The following AOPEP variants were observed in gnomAD, a reference collection of about 807,000 sequenced individuals.
AOPEP encodes aminopeptidase O (putative).
A neutral mutation model predicts 98.1 loss-of-function variants in AOPEP; 77 were observed. The observed-to-expected ratio is 0.78, with a 90% CI of 0.65 to 0.95. The LOEUF (loss-of-function observed/expected upper bound fraction) is 0.95. Ranked by LOEUF, AOPEP falls within the 40% of genes least tolerant of loss-of-function variation. The pLI, the probability that AOPEP is intolerant of heterozygous loss-of-function variation, is 0.00. For synonymous variants in AOPEP, 346 were observed against 365.3 expected (o/e 0.95, Z 0.60); for missense variants, 1,024 against 1,024.7 (o/e 1.00, Z 0.01).
chr9:94,919,839 A>G (rs370636071), intron 5 of AOPEP, among the ~76,000 whole-genome samples: 1 of 152,164 alleles, frequency 6.6e-6, no homozygotes, highest in Non-Finnish European at 1.5e-5. Flanking sequence ...TTTAGAGGGC[A>G]ATGAGCCTGG....
At chr9:95,106,584 T>C in the AOPEP span, among the ~76,000 whole-genome samples, 5 of 152,364 alleles carry the variant, frequency 3.3e-5, no homozygotes, top group East Asian at 9.6e-4. Flanking sequence ...TGGACCGTTT[T>C]TTACCCCTCA....
intron 5 of AOPEP, among the ~76,000 whole-genome samples, chr9:94,906,285 T>A (rs2051122708): frequency 6.7e-6 from 1 of 148,664 alleles, no homozygotes; most frequent in South Asian, 2.1e-4. Context: ...ATAGCGAGAC[T>A]CTGTCTCTAC....
intron 1 of AOPEP, among the ~76,000 whole-genome samples, chr9:94,734,560 G>A (rs1307823190): frequency 2.0e-5 from 3 of 152,226 alleles, no homozygotes; most frequent in Non-Finnish European, 4.4e-5. Flanking sequence ...GCCAGATGCA[G>A]CCATTTTTAG....
chr9:95,140,337 T>G, the AOPEP span, among the ~76,000 whole-genome samples: 1 of 152,104 alleles, frequency 6.6e-6, no homozygotes, highest in South Asian at 2.1e-4. Context: ...TTTAGAAAAC[T>G]CTACTTTGTT....
intron 1 of AOPEP, among the ~76,000 whole-genome samples, chr9:94,756,247 CAA>C (rs75045703): frequency 2.4e-4 from 24 of 101,380 alleles, no homozygotes; most frequent in Admixed American, 2.1e-4. Context: ...GACTCTGTCT[CAA>C]AAAAAAAAAA....
chr9:95,125,215 G>A, the AOPEP span: 193 of 1,559,956 alleles, frequency 1.2e-4, no homozygotes, highest in East Asian at 4.0e-3. Context: ...ATCAGAACAC[G>A]TTTAACAAGT....
At chr9:94,958,281 G>A (rs1423883433) in intron 9 of AOPEP, among the ~76,000 whole-genome samples, 2 of 152,162 alleles carry the variant, frequency 1.3e-5, no homozygotes, top group African/African-American at 4.8e-5. Context: ...TTGTTTACCT[G>A]TTAATTCTTT....
chr9:94,815,503 C>T lies in AOPEP; in HGVS notation c.1364+14501C>T, dbSNP rs114938444. 3.4e-3 allele frequency among the ~76,000 whole-genome samples: 524 copies of T among 152,232 alleles called. 4 individuals are homozygous for T. Among genetic ancestry groups the T allele is most frequent in the African/African-American group, 0.012 (493 of 41,526 alleles). ...TGATGACCAGGCCTTTTATGGGAGCCGCCGAGAACCTCGGGCCCCTTCAGG... is the reference window on the plus strand; with the variant it reads ...TGATGACCAGGCCTTTTATGGGAGCTGCCGAGAACCTCGGGCCCCTTCAGG... On this transcript the variant is annotated intron_variant, in intron 5 of 16. Transcript: ENST00000375315.
chr9:94,957,870 C>A (rs2138044517), intron 9 of AOPEP, among the ~76,000 whole-genome samples: 1 of 151,600 alleles, frequency 6.6e-6, no homozygotes, highest in South Asian at 2.1e-4. Flanking sequence ...TGTATCAGTA[C>A]TTCATTCTTT....
chr9:94,936,424 C>T (rs556807491), intron 7 of AOPEP, among the ~76,000 whole-genome samples: 2 of 152,288 alleles, frequency 1.3e-5, no homozygotes, highest in Admixed American at 1.3e-4. Flanking sequence ...TATCTTCCCA[C>T]AGTCTGGAGG....
At chr9:95,073,578 C>T (rs1282744294) in intron 14 of AOPEP, among the ~76,000 whole-genome samples, 2 of 150,046 alleles carry the variant, frequency 1.3e-5, no homozygotes, top group Non-Finnish European at 2.9e-5. Context: ...CCCAGCAGGC[C>T]GGGCGCGGTG....
the AOPEP span, among the ~76,000 whole-genome samples, chr9:95,134,816 G>C: frequency 1.3e-5 from 2 of 152,342 alleles, no homozygotes; most frequent in East Asian, 3.9e-4. Context: ...GCACAGTCCT[G>C]AGCGGGAAGG....
At chr9:94,849,490 T>C (rs1445646551) in intron 5 of AOPEP, among the ~76,000 whole-genome samples, 1 of 141,502 alleles carries the variant, frequency 7.1e-6, no homozygotes, top group African/African-American at 2.6e-5. Flanking sequence ...CATTTCTTTT[T>C]TTTCTTTCTT....
chr9:94,884,759 C>A (rs528921402), intron 5 of AOPEP, among the ~76,000 whole-genome samples: 1 of 152,156 alleles, frequency 6.6e-6, no homozygotes, highest in South Asian at 2.1e-4. Flanking sequence ...CGCCTGTAAT[C>A]CCAGCACTTT....
intron 7 of AOPEP, among the ~76,000 whole-genome samples, chr9:94,940,400 G>A (rs2056871693): frequency 6.6e-6 from 1 of 152,126 alleles, no homozygotes. Flanking sequence ...GAGGTCAGGA[G>A]TTCGAGATCA....
chr9:95,076,129 A>C (rs1029608784), intron 14 of AOPEP, among the ~76,000 whole-genome samples: 2 of 152,184 alleles, frequency 1.3e-5, no homozygotes, highest in Admixed American at 6.5e-5. Context: ...CCCTTCCTCA[A>C]GTTCTCTCTT....
intron 10 of AOPEP, among the ~76,000 whole-genome samples, chr9:94,970,088 T>C (rs916636216): frequency 2.6e-5 from 4 of 152,198 alleles, no homozygotes; most frequent in Admixed American, 2.6e-4. Context: ...TTTGTTTGGC[T>C]TTTTCTGTGT....
At chr9:95,112,120 T>C in the AOPEP span, among the ~76,000 whole-genome samples, 7 of 152,220 alleles carry the variant, frequency 4.6e-5, no homozygotes, top group Non-Finnish European at 8.8e-5. Flanking sequence ...CATGGGTGCA[T>C]CAATGCCAGA....
rs115320446 is a variant in AOPEP at position 94,947,622 on chromosome 9, T to C, written c.1662-7555T>C. Among the ~76,000 whole-genome samples, 1,014 of 152,340 alleles carry C rather than the reference T, an allele frequency of 6.7e-3. 17 individuals carry two copies. The highest frequency in any genetic ancestry group is 0.023 in the African/African-American group (974 of 41,568). Reference sequence around the variant, plus strand: ...TCCAAGTCCCATGCATTTTTCCTCCTTAATAACATTCTTTGAGTGCTTTTA... The same window carrying C: ...TCCAAGTCCCATGCATTTTTCCTCCCTAATAACATTCTTTGAGTGCTTTTA... On this transcript the variant is annotated intron_variant, in intron 7 of 16. Transcript: ENST00000375315.
Sources: allele counts gnomAD v4.1 joint callset (sites outside exome capture counted in the v4.1 genomes callset), GRCh38; gene constraint gnomAD v4.1.1; transcripts MANE v1.5; gene names NCBI Gene and HGNC (gene_info 2026-07-23, HGNC 2026-07-21).